Variants in GPC5 observed in about 807,000 individuals in gnomAD.
The protein encoded by GPC5 is glypican-5.
GPC5 carries 47 observed loss-of-function variants against 53.9 expected under a neutral mutation model. The observed-to-expected ratio is 0.87, with a 90% confidence interval of 0.69 to 1.11. The LOEUF (loss-of-function observed/expected upper bound fraction) is 1.11, where lower values mean the gene tolerates loss of function less well. GPC5 is among the 50% of genes most tolerant of loss of function. The pLI, the probability that GPC5 is intolerant of heterozygous loss-of-function variation, is 0.00. For synonymous variants in GPC5, 286 were observed against 263.3 expected (o/e 1.09, Z -0.84); for missense variants, 748 against 713.1 (o/e 1.05, Z -0.56).
At chr13:92,783,992 T>C (rs1314348955) in intron 7 of GPC5, among the ~76,000 whole-genome samples, 1 of 152,206 alleles carries the variant, frequency 6.6e-6, no homozygotes, top group Non-Finnish European at 1.5e-5. Context: ...TAAAGCATTC[T>C]TGGTATCAGA....
chr13:92,652,510 T>C (rs2139168343), intron 7 of GPC5, among the ~76,000 whole-genome samples: 1 of 152,232 alleles, frequency 6.6e-6, no homozygotes, highest in Non-Finnish European at 1.5e-5. Context: ...TCTTCTGCCT[T>C]TACCTCTCTA....
At chr13:92,751,753 T>C (rs1594479286) in intron 7 of GPC5, among the ~76,000 whole-genome samples, 1 of 151,676 alleles carries the variant, frequency 6.6e-6, no homozygotes. Context: ...TAAAAAAAAA[T>C]AAAAAATAAA....
chr13:92,337,893 G>C (rs776396562), intron 7 of GPC5, among the ~76,000 whole-genome samples: 2 of 152,036 alleles, frequency 1.3e-5, no homozygotes, highest in Admixed American at 1.3e-4. Context: ...GCTGAACTTG[G>C]TTATGGAAAA....
chr13:92,333,990 A>G (rs2043305536), intron 7 of GPC5, among the ~76,000 whole-genome samples: 2 of 152,202 alleles, frequency 1.3e-5, no homozygotes, highest in East Asian at 1.9e-4. Context: ...TGGGTCAAAA[A>G]TATTGAAACA....
At chr13:91,441,803 G>C (rs1260033760) in intron 1 of GPC5, among the ~76,000 whole-genome samples, 2 of 152,138 alleles carry the variant, frequency 1.3e-5, no homozygotes, top group Non-Finnish European at 2.9e-5. Flanking sequence ...AAAAAGGTAG[G>C]AGGAGCAAGT....
chr13:92,346,986 A>C (rs185515328), intron 7 of GPC5, among the ~76,000 whole-genome samples: 1 of 152,140 alleles, frequency 6.6e-6, no homozygotes, highest in Non-Finnish European at 1.5e-5. Flanking sequence ...CAATTATTCA[A>C]TCAAAGGAGC....
intron 5 of GPC5, among the ~76,000 whole-genome samples, chr13:91,826,553 A>G (rs938399768): frequency 2.6e-5 from 4 of 152,074 alleles, no homozygotes; most frequent in African/African-American, 4.8e-5. Context: ...TTAAAAATCT[A>G]TATGGACATA....
intron 7 of GPC5, among the ~76,000 whole-genome samples, chr13:92,261,936 T>G (rs1168275649): frequency 6.6e-6 from 1 of 152,190 alleles, no homozygotes; most frequent in African/African-American, 2.4e-5. Context: ...TGGCATTTGT[T>G]ATACTGTTGT....
At chr13:92,272,865 C>T (rs1186686456) in intron 7 of GPC5, among the ~76,000 whole-genome samples, 1 of 152,074 alleles carries the variant, frequency 6.6e-6, no homozygotes, top group Non-Finnish European at 1.5e-5. Flanking sequence ...ATTTGACAAT[C>T]CTGATAGGAT....
rs183601838 is a variant in GPC5 at position 92,481,988 on chromosome 13, G to A, written c.1561+336999G>A. ...TACTAAAAATACAAAAAAATTAGCC[G>A]GGTGTCGGGGTGGGCACCTGTAATC... On this transcript the variant is annotated intron_variant, in intron 7 of 7. Coordinates refer to ENST00000377067, the MANE Select transcript of GPC5 (RefSeq NM_004466.6). 5.9e-5 allele frequency among the ~76,000 whole-genome samples: 9 copies of A among 151,908 alleles called. No individual in the cohort carries two copies. In the South Asian group the frequency reaches 6.3e-4, roughly 11 times the overall value.
chr13:91,633,514 A>AG (rs1392576718), intron 2 of GPC5, among the ~76,000 whole-genome samples: 9 of 152,168 alleles, frequency 5.9e-5, no homozygotes, highest in African/African-American at 2.2e-4. Flanking sequence ...TTAAATGGTG[A>AG]GAAACATATG....
intron 6 of GPC5, among the ~76,000 whole-genome samples, chr13:92,141,309 A>G (rs1170045205): frequency 1.3e-5 from 2 of 152,194 alleles, no homozygotes; most frequent in Non-Finnish European, 2.9e-5. Context: ...GGGCTAGGGT[A>G]GTACTGGGGA....
chr13:91,601,810 T>C (rs1440389529), intron 2 of GPC5, among the ~76,000 whole-genome samples: 1 of 152,152 alleles, frequency 6.6e-6, no homozygotes, highest in Non-Finnish European at 1.5e-5. Flanking sequence ...TATATTACAG[T>C]GCAATAATAA....
chr13:91,950,117 C>A (rs2040012822), intron 6 of GPC5, among the ~76,000 whole-genome samples: 1 of 152,080 alleles, frequency 6.6e-6, no homozygotes, highest in South Asian at 2.1e-4. Flanking sequence ...AGTTGGGCCC[C>A]ATTAATTTTG....
chr13:92,634,569 C>G (rs1267614161), intron 7 of GPC5, among the ~76,000 whole-genome samples: 4 of 152,080 alleles, frequency 2.6e-5, no homozygotes, highest in Non-Finnish European at 5.9e-5. Flanking sequence ...ATCTCCAAAA[C>G]TTATTCATCC....
chr13:92,808,987 A>T (rs1011726291), intron 7 of GPC5, among the ~76,000 whole-genome samples: 1 of 152,090 alleles, frequency 6.6e-6, no homozygotes, highest in African/African-American at 2.4e-5. Flanking sequence ...ACATTATTCT[A>T]TTATGATTAC....
At chr13:91,899,134 A>G (rs2039472052) in intron 5 of GPC5, among the ~76,000 whole-genome samples, 1 of 152,168 alleles carries the variant, frequency 6.6e-6, no homozygotes, top group Admixed American at 6.6e-5. Flanking sequence ...CTTTTGGGAA[A>G]CTTTTAGATT....
intron 7 of GPC5, among the ~76,000 whole-genome samples, chr13:92,516,555 T>G (rs1279170941): frequency 6.6e-6 from 1 of 152,170 alleles, no homozygotes; most frequent in East Asian, 1.9e-4. Flanking sequence ...AGTTATTCAG[T>G]GTGGAAGGTG....
intron 6 of GPC5, among the ~76,000 whole-genome samples, chr13:92,120,532 C>T (rs1177493412): frequency 6.6e-5 from 10 of 151,986 alleles, no homozygotes; most frequent in South Asian, 4.2e-4. Flanking sequence ...ATTACAGGTG[C>T]GAGCCACCAA....
Sources: allele counts gnomAD v4.1 joint callset (sites outside exome capture counted in the v4.1 genomes callset), GRCh38; gene constraint gnomAD v4.1.1; transcripts MANE v1.5; gene names NCBI Gene and HGNC (gene_info 2026-07-23, HGNC 2026-07-21).